Variants in C10orf90 observed in about 807,000 individuals in gnomAD.
The protein encoded by C10orf90 is chromosome 10 open reading frame 90, also known as (E2-independent) E3 ubiquitin-conjugating enzyme FATS.
A neutral mutation model predicts 62.5 loss-of-function variants in C10orf90; 56 were observed. The ratio of observed to expected loss-of-function variants is 0.90; its 90% CI spans 0.72 to 1.12. The LOEUF is 1.12. C10orf90 is among the 50% of genes most tolerant of loss of function. The pLI, the probability that C10orf90 is intolerant of heterozygous loss-of-function variation, is 0.00. For missense variants in C10orf90, 970 were observed against 880.4 expected, an observed-to-expected ratio of 1.10 and a Z score of -1.29; for synonymous variants, 386 against 340.4, an observed-to-expected ratio of 1.13 and a Z score of -1.47.
At chr10:126,654,235 T>C (rs925892491) in intron 1 of C10orf90, among the ~76,000 whole-genome samples, 2 of 152,220 alleles carry the variant, frequency 1.3e-5, no homozygotes, top group South Asian at 4.1e-4. Context: ...TCACTAACTA[T>C]GAAAGTCCTA....
chr10:126,570,536 C>T (rs1219883631), intron 2 of C10orf90, among the ~76,000 whole-genome samples: 1 of 152,116 alleles, frequency 6.6e-6, no homozygotes. Flanking sequence ...CTACAGGGTT[C>T]GTAATGAGTT....
At chr10:126,521,617 G>C (rs1019732978) in intron 2 of C10orf90, among the ~76,000 whole-genome samples, 1 of 152,196 alleles carries the variant, frequency 6.6e-6, no homozygotes, top group Non-Finnish European at 1.5e-5. Context: ...TCTTTGATGA[G>C]TAAAACAAGT....
At position 126,591,949 on chromosome 10, in the gene C10orf90, T is replaced by C. The variant is rs564359935; in HGVS notation, c.313+54616A>G. Among the ~76,000 whole-genome samples the C allele has an allele frequency of 3.9e-5, 6 of 152,084 alleles. No individual in the cohort carries two copies. In the East Asian group the frequency reaches 9.7e-4, roughly 25 times the overall value. ...ATCATGAATGAACTCCCATTCACAA[T>C]TGCCAAAAGAGAATAAAATACCTAG... is the stretch of plus-strand genomic sequence containing the variant. On this transcript the variant is annotated intron_variant, in intron 2 of 9. Transcript: ENST00000488181.
intron 3 of C10orf90, among the ~76,000 whole-genome samples, chr10:126,505,460 G>A (rs1457162085): frequency 2.6e-5 from 4 of 152,208 alleles, no homozygotes; most frequent in Admixed American, 1.3e-4. Flanking sequence ...GAATTCTGGA[G>A]GTGGCTGGAA....
At chr10:126,510,791 T>C (rs1863061609) in intron 3 of C10orf90, among the ~76,000 whole-genome samples, 1 of 152,260 alleles carries the variant, frequency 6.6e-6, no homozygotes, top group Admixed American at 6.5e-5. Flanking sequence ...TTTATATTTA[T>C]GCCTTGAGGT....
intron 2 of C10orf90, among the ~76,000 whole-genome samples, chr10:126,596,174 A>G (rs1845082010): frequency 6.6e-6 from 1 of 151,036 alleles, no homozygotes; most frequent in Non-Finnish European, 1.5e-5. Flanking sequence ...ATGGTAGCAC[A>G]CACCTGTAGT....
intron 1 of C10orf90, among the ~76,000 whole-genome samples, chr10:126,655,834 C>CAAA (rs1195360598): frequency 0.038 from 4,760 of 126,012 alleles, 78 homozygotes; most frequent in Non-Finnish European, 0.052. Flanking sequence ...CAAAACAAAA[C>CAAA]AAAACAAAAA....
intron 2 of C10orf90, among the ~76,000 whole-genome samples, chr10:126,584,237 T>G (rs184945379): frequency 9.5e-4 from 145 of 152,192 alleles, no homozygotes; most frequent in South Asian, 6.0e-3. Flanking sequence ...TGTTCACCAG[T>G]CTACCTTTCC....
chr10:126,528,902 G>T (rs1280946488), intron 2 of C10orf90, among the ~76,000 whole-genome samples: 2 of 152,064 alleles, frequency 1.3e-5, no homozygotes, highest in African/African-American at 4.8e-5. Flanking sequence ...TTTGGAGAAA[G>T]GTAGATCTAC....
At chr10:126,594,713 T>G (rs1309085577) in intron 2 of C10orf90, among the ~76,000 whole-genome samples, 2 of 152,196 alleles carry the variant, frequency 1.3e-5, no homozygotes, top group African/African-American at 4.8e-5. Context: ...AGGACGGAAC[T>G]ACAGCGGATT....
At chr10:126,465,054 G>C (rs7079392) in intron 4 of C10orf90, 68 bp from the exon 5 acceptor site, 2 of 1,512,828 alleles carry the variant, frequency 1.3e-6, no homozygotes, top group Non-Finnish European at 1.8e-6. Flanking sequence ...GACTTCTACC[G>C]CACATGGTGC....
intron 4 of C10orf90, among the ~76,000 whole-genome samples, chr10:126,469,530 T>C (rs1860455998): frequency 6.6e-6 from 1 of 152,156 alleles, no homozygotes; most frequent in Non-Finnish European, 1.5e-5. Flanking sequence ...ACCAACTGTG[T>C]CTTAAGAGTT....
intron 2 of C10orf90, among the ~76,000 whole-genome samples, chr10:126,641,644 C>T (rs145886550): frequency 1.7e-4 from 26 of 152,086 alleles, no homozygotes; most frequent in Non-Finnish European, 2.4e-4. Flanking sequence ...GCAGTCTCAT[C>T]GGCAGACAGG....
intron 2 of C10orf90, among the ~76,000 whole-genome samples, chr10:126,546,995 G>A (rs954016671): frequency 1.3e-5 from 2 of 152,154 alleles, no homozygotes; most frequent in Admixed American, 6.5e-5. Context: ...GCATGGTTGC[G>A]CATACCTGTA....
intron 7 of C10orf90, among the ~76,000 whole-genome samples, chr10:126,440,401 G>T (rs1156433263): frequency 2.0e-5 from 3 of 152,082 alleles, no homozygotes; most frequent in African/African-American, 4.8e-5. Context: ...CCAAAGAAGA[G>T]CCTGAGCTCA....
At chr10:126,497,833 TATTTACAAA>T (rs1425824943) in intron 4 of C10orf90, among the ~76,000 whole-genome samples, 2 of 152,216 alleles carry the variant, frequency 1.3e-5, no homozygotes, top group African/African-American at 4.8e-5. Flanking sequence ...TCAATACAAC[TATTTACAAA>T]AACAGGCAGC....
chr10:126,508,818 G>A (rs1415265830), intron 3 of C10orf90, among the ~76,000 whole-genome samples: 3 of 152,214 alleles, frequency 2.0e-5, no homozygotes, highest in Non-Finnish European at 2.9e-5. Flanking sequence ...CCAGTATCAA[G>A]AGAGTACCTA....
At chr10:126,647,926 G>A (rs1301095998) in intron 1 of C10orf90, among the ~76,000 whole-genome samples, 3 of 152,098 alleles carry the variant, frequency 2.0e-5, no homozygotes, top group Admixed American at 6.5e-5. Context: ...GACCCAACAC[G>A]CTAGCTTTTA....
intron 1 of C10orf90, among the ~76,000 whole-genome samples, chr10:126,647,672 C>A (rs374682348): frequency 1.2e-4 from 18 of 152,230 alleles, no homozygotes; most frequent in African/African-American, 4.1e-4. Context: ...AACTCAGCCA[C>A]CACCTATCAG....
Sources: allele counts gnomAD v4.1 joint callset (sites outside exome capture counted in the v4.1 genomes callset), GRCh38; gene constraint gnomAD v4.1.1; transcripts MANE v1.5; gene names NCBI Gene and HGNC (gene_info 2026-07-23, HGNC 2026-07-21).